RIN2: variants seen among roughly 807,000 people sequenced by gnomAD.
RIN2 encodes the protein Ras and Rab interactor 2.
A neutral mutation model predicts 78.0 loss-of-function variants in RIN2; 36 were observed. The observed-to-expected ratio is 0.46, with a 90% CI of 0.35 to 0.61. The LOEUF is 0.61. Among genes scored for constraint, RIN2 ranks in the 20% least tolerant of loss-of-function variants. RIN2 has a pLI of 0.00. For synonymous variants in RIN2, 466 were observed against 466.8 expected (o/e 1.00, Z 0.02); for missense variants, 1,087 against 1,159.7 (o/e 0.94, Z 0.91).
chr20:19,812,956 G>T (rs190783868), intron 2 of RIN2, among the ~76,000 whole-genome samples: 124 of 152,294 alleles, frequency 8.1e-4, no homozygotes, highest in Non-Finnish European at 1.2e-3. Context: ...GTCCCTTTGG[G>T]TCTGATCAAG....
chr20:19,862,957 G>A (rs947156219), intron 2 of RIN2, among the ~76,000 whole-genome samples: 4 of 152,274 alleles, frequency 2.6e-5, no homozygotes, highest in Non-Finnish European at 5.9e-5. Flanking sequence ...CAGCAGACTT[G>A]TACCATGTTC....
At chr20:19,757,729 G>C (rs2033428394), upstream of RIN2, 1 of 152,324 alleles carries the variant, frequency 6.6e-6, no homozygotes, top group Non-Finnish European at 1.5e-5. Flanking sequence ...GGCTCGTTAT[G>C]GGAAAGGGGT....
intron 4 of RIN2, among the ~76,000 whole-genome samples, chr20:19,943,480 G>A (rs1403150657): frequency 6.6e-6 from 1 of 152,068 alleles, no homozygotes; most frequent in East Asian, 1.9e-4. Context: ...GAGGAAGTTG[G>A]GGCTCCACCC....
At chr20:19,806,844 G>GCCATGATTGCACCGCTGCACT (rs74180960) in intron 2 of RIN2, among the ~76,000 whole-genome samples, 1 of 152,178 alleles carries the variant, frequency 6.6e-6, no homozygotes, top group Non-Finnish European at 1.5e-5. Flanking sequence ...GCTACAGTGA[G>GCCATGATTGCACCGCTGCACT]CCAGCCTGGG....
intron 2 of RIN2, among the ~76,000 whole-genome samples, chr20:19,822,997 A>G (rs2035973801): frequency 6.6e-6 from 1 of 152,214 alleles, no homozygotes; most frequent in African/African-American, 2.4e-5. Flanking sequence ...AATAGCTAGC[A>G]TTTATTAATC....
chr20:19,947,724 A>G (rs2041150798), intron 4 of RIN2, among the ~76,000 whole-genome samples: 2 of 152,232 alleles, frequency 1.3e-5, no homozygotes, highest in Non-Finnish European at 2.9e-5. Context: ...AAAAGCCAGG[A>G]TTTTTCGTAA....
At chr20:19,795,920 C>T (rs1374427191) in intron 1 of RIN2, among the ~76,000 whole-genome samples, 2 of 151,924 alleles carry the variant, frequency 1.3e-5, no homozygotes, top group Non-Finnish European at 2.9e-5. Context: ...CAAAATGGCA[C>T]ATGAAAATAT....
At chr20:19,798,880 A>C (rs2035153267) in intron 1 of RIN2, among the ~76,000 whole-genome samples, 1 of 151,900 alleles carries the variant, frequency 6.6e-6, no homozygotes, top group South Asian at 2.1e-4. Flanking sequence ...AACAGTTAAA[A>C]ATGAAATATA....
At chr20:19,942,110 A>C (rs975825480) in intron 4 of RIN2, among the ~76,000 whole-genome samples, 1 of 137,626 alleles carries the variant, frequency 7.3e-6, no homozygotes. Flanking sequence ...ACTCTATCTC[A>C]AAAAAAAAAA....
chr20:19,895,703 TA>T (rs983102163), intron 3 of RIN2: 3 of 152,178 alleles, frequency 2.0e-5, no homozygotes, highest in Admixed American at 2.0e-4. Context: ...ACAGGTTGGA[TA>T]AGAAGGTGCA....
intron 3 of RIN2, among the ~76,000 whole-genome samples, chr20:19,901,413 C>A (rs537033321): frequency 1.3e-5 from 2 of 151,672 alleles, no homozygotes; most frequent in East Asian, 3.9e-4. Context: ...AACCCTGCAA[C>A]ATGCACTGGC....
At chr20:19,788,444 A>AAAAC (rs2034771501) in intron 1 of RIN2, among the ~76,000 whole-genome samples, 1 of 150,172 alleles carries the variant, frequency 6.7e-6, no homozygotes. Flanking sequence ...AAAAAAAAAA[A>AAAAC]AAAAACAACT....
chr20:19,848,191 G>A (rs8118912), intron 2 of RIN2, among the ~76,000 whole-genome samples: 2 of 152,104 alleles, frequency 1.3e-5, no homozygotes, highest in Non-Finnish European at 2.9e-5. Context: ...TATATGATAT[G>A]TGTACTTTTC....
chr20:19,971,336 C>T (rs528301564), intron 8 of RIN2, among the ~76,000 whole-genome samples: 18 of 152,198 alleles, frequency 1.2e-4, no homozygotes, highest in South Asian at 8.3e-4. Flanking sequence ...CTAACCCTGC[C>T]GGGGATCCTT....
chr20:19,923,436 A>AAATAAAATAAAATAT (rs1276842705), intron 3 of RIN2, among the ~76,000 whole-genome samples: 302 of 120,160 alleles, frequency 2.5e-3, no homozygotes, highest in Non-Finnish European at 4.0e-3. Flanking sequence ...AAATAAAATA[A>AAATAAAATAAAATAT]AATAAAATAA....
intron 9 of RIN2, among the ~76,000 whole-genome samples, chr20:19,989,341 T>C (rs1436519931): frequency 6.6e-6 from 1 of 150,770 alleles, no homozygotes; most frequent in Non-Finnish European, 1.5e-5. Flanking sequence ...TGGCACAATC[T>C]TGGCTCACTG....
intron 2 of RIN2, among the ~76,000 whole-genome samples, chr20:19,864,495 C>G (rs1395485777): frequency 2.0e-5 from 3 of 152,126 alleles, no homozygotes; most frequent in African/African-American, 4.8e-5. Context: ...AGTCCCTCCT[C>G]CAAAGCAGAC....
intron 2 of RIN2, among the ~76,000 whole-genome samples, chr20:19,880,850 A>T (rs1358500356): frequency 6.6e-6 from 1 of 152,196 alleles, no homozygotes; most frequent in Non-Finnish European, 1.5e-5. Context: ...ATAAAGGAAG[A>T]TCTTTTCTTC....
chr20:19,855,158 G>A (rs2037124050), intron 2 of RIN2, among the ~76,000 whole-genome samples: 1 of 151,990 alleles, frequency 6.6e-6, no homozygotes, highest in Non-Finnish European at 1.5e-5. Flanking sequence ...TTTGTCTTTG[G>A]TTCTGTTTAT....
Sources: allele counts gnomAD v4.1 joint callset (sites outside exome capture counted in the v4.1 genomes callset), GRCh38; gene constraint gnomAD v4.1.1; transcripts MANE v1.5; gene names NCBI Gene and HGNC (gene_info 2026-07-23, HGNC 2026-07-21).